The following SLC2A13 variants were observed in gnomAD, a reference collection of about 807,000 sequenced individuals.
The protein encoded by SLC2A13 is solute carrier family 2 member 13.
Under a neutral mutation model 64.4 loss-of-function variants are expected in SLC2A13, and 32 were observed. The observed-to-expected ratio is 0.50, with a 90% CI of 0.37 to 0.67. The LOEUF is 0.67. Ranked by LOEUF, SLC2A13 falls within the 30% of genes least tolerant of loss-of-function variation. The pLI is 0.00. For synonymous variants in SLC2A13, 338 were observed against 327.1 expected, an observed-to-expected ratio of 1.03 and a Z score of -0.36; for missense variants, 743 against 829.2, an observed-to-expected ratio of 0.90 and a Z score of 1.28.
chr12:39,851,528 C>A (rs1329235827), intron 6 of SLC2A13, among the ~76,000 whole-genome samples: 1 of 152,142 alleles, frequency 6.6e-6, no homozygotes, highest in African/African-American at 2.4e-5. Context: ...ATGTACAACA[C>A]CATTTCAAAA....
intron 3 of SLC2A13, among the ~76,000 whole-genome samples, chr12:40,013,766 C>A (rs1364290011): frequency 6.6e-6 from 1 of 152,164 alleles, no homozygotes; most frequent in African/African-American, 2.4e-5. Context: ...GTGTGCGGCC[C>A]TACGCAGGCA....
intron 3 of SLC2A13, among the ~76,000 whole-genome samples, chr12:39,973,949 C>A (rs1283175510): frequency 1.3e-5 from 2 of 152,144 alleles, no homozygotes; most frequent in East Asian, 1.9e-4. Flanking sequence ...CATTTCCATA[C>A]CATTCTGTCT....
intron 4 of SLC2A13, among the ~76,000 whole-genome samples, chr12:39,935,539 G>A (rs1380582977): frequency 6.6e-6 from 1 of 152,134 alleles, no homozygotes. Context: ...AATCTAGCTG[G>A]TTCTCCCTGG....
chr12:40,102,868 T>C (rs17458501), intron 1 of SLC2A13, among the ~76,000 whole-genome samples: 18,534 of 152,236 alleles, frequency 0.12, 1,243 homozygotes, highest in South Asian at 0.23. Flanking sequence ...ATGCTTTGCA[T>C]AGATCCTAAT....
At chr12:39,977,349 C>T (rs1188943333) in intron 3 of SLC2A13, among the ~76,000 whole-genome samples, 1 of 152,224 alleles carries the variant, frequency 6.6e-6, no homozygotes, top group East Asian at 1.9e-4. Context: ...AACTGTGTCT[C>T]TGATCTCTTT....
In SLC2A13 at chr12:40,028,399, C is replaced by T. The variant is rs775723584; in HGVS notation, c.827G>A (p.Arg276His). The change falls in exon 3 of 10, where the codon CGT becomes CAT. Residue 276 changes from arginine to histidine, a missense_variant. Arg to His is a conservative substitution (Grantham distance 29, BLOSUM62 0). Around this residue, in one of 2 missense-constraint regions of SLC2A13, gnomAD observed 448 missense variants for 447.4 expected, o/e 1.00. Coordinates refer to ENST00000280871, the MANE Select transcript of SLC2A13 (RefSeq NM_052885.4). ...LIQKGQTQKARRILSQMRGNQ... is the reference protein window; with the variant it reads ...LIQKGQTQKAHRILSQMRGNQ... Reference sequence around the variant, plus strand: ...ACCACGCATCTGAGATAAAATTCTACGGGCCTTCTGAGTCTGTCCTTTCTG... The same window carrying T: ...ACCACGCATCTGAGATAAAATTCTATGGGCCTTCTGAGTCTGTCCTTTCTG... 1.8e-5 allele frequency: 29 copies of T among 1,613,918 alleles called. No individual in the cohort carries two copies. Among genetic ancestry groups the T allele is most frequent in the African/African-American group, 5.3e-5 (4 of 74,916 alleles).
At chr12:40,056,309 G>T (rs1948332474) in intron 1 of SLC2A13, among the ~76,000 whole-genome samples, 1 of 152,074 alleles carries the variant, frequency 6.6e-6, no homozygotes, top group Non-Finnish European at 1.5e-5. Context: ...CACTGGATGA[G>T]AAAGGCCAGG....
intron 6 of SLC2A13, among the ~76,000 whole-genome samples, chr12:39,842,617 T>A (rs1443958041): frequency 2.0e-5 from 3 of 151,944 alleles, no homozygotes; most frequent in Non-Finnish European, 4.4e-5. Context: ...TTTTTAAAAA[T>A]TTTTTACTGA....
chr12:39,938,092 C>T (rs913296674), intron 4 of SLC2A13, among the ~76,000 whole-genome samples: 2 of 152,122 alleles, frequency 1.3e-5, no homozygotes, highest in African/African-American at 4.8e-5. Flanking sequence ...TGGGATGTTT[C>T]TGCTTTCCAC....
intron 4 of SLC2A13, among the ~76,000 whole-genome samples, chr12:39,947,715 C>CA (rs1455556073): frequency 7.0e-6 from 1 of 142,384 alleles, no homozygotes; most frequent in African/African-American, 2.7e-5. Context: ...GGCTGGAGTG[C>CA]AATGGCATGA....
chr12:39,812,462 C>G (rs1285198517), intron 7 of SLC2A13, among the ~76,000 whole-genome samples: 3 of 147,990 alleles, frequency 2.0e-5, no homozygotes, highest in Non-Finnish European at 4.5e-5. Flanking sequence ...CTTTCTTTCT[C>G]CTTTCTTTCT....
intron 7 of SLC2A13, among the ~76,000 whole-genome samples, chr12:39,820,053 T>C (rs1193569758): frequency 6.6e-6 from 1 of 152,122 alleles, no homozygotes; most frequent in Non-Finnish European, 1.5e-5. Context: ...TTAATATTTA[T>C]GGGTTTGTCC....
At chr12:39,916,810 A>T (rs1945528364) in intron 4 of SLC2A13, among the ~76,000 whole-genome samples, 1 of 84,738 alleles carries the variant, frequency 1.2e-5, no homozygotes, top group African/African-American at 4.4e-5. Context: ...GTCTTGTGGA[A>T]GGATTATCAT....
intron 3 of SLC2A13, among the ~76,000 whole-genome samples, chr12:39,980,132 T>C (rs1946860259): frequency 6.6e-6 from 1 of 151,570 alleles, no homozygotes; most frequent in African/African-American, 2.4e-5. Context: ...CTGAGAGATT[T>C]TGTCACCACC....
chr12:39,854,286 G>A (rs923207166), intron 6 of SLC2A13, among the ~76,000 whole-genome samples: 1 of 151,992 alleles, frequency 6.6e-6, no homozygotes, highest in Non-Finnish European at 1.5e-5. Flanking sequence ...GAAAGTTTAA[G>A]GGTAATAGGT....
intron 4 of SLC2A13, among the ~76,000 whole-genome samples, chr12:39,879,251 G>C (rs1460579074): frequency 6.6e-6 from 1 of 152,216 alleles, no homozygotes; most frequent in East Asian, 1.9e-4. Flanking sequence ...AAGTACCAAG[G>C]GGAAATGTGG....
chr12:39,868,143 G>T (rs1346891985), intron 5 of SLC2A13, among the ~76,000 whole-genome samples: 2 of 152,136 alleles, frequency 1.3e-5, no homozygotes, highest in Non-Finnish European at 2.9e-5. Context: ...ACCTGGATTT[G>T]AGTCTAATAC....
chr12:39,955,542 T>C (rs1295277725), intron 3 of SLC2A13, among the ~76,000 whole-genome samples: 3 of 152,114 alleles, frequency 2.0e-5, no homozygotes, highest in Non-Finnish European at 4.4e-5. Context: ...ATAAAATTGA[T>C]AAGCTTCATG....
rs965588854 is a variant in SLC2A13, at chr12:40,092,505, T to G, written c.556+12748A>C. Reference sequence around the variant, plus strand: ...AATTCCACATATGTAATACCATCTTTAGAAATTTATCACATCATTATACAC... The same window carrying G: ...AATTCCACATATGTAATACCATCTTGAGAAATTTATCACATCATTATACAC... On this transcript the variant is annotated intron_variant, in intron 1 of 9. Transcript: ENST00000280871. 5.9e-5 allele frequency among the ~76,000 whole-genome samples: 9 copies of G among 152,174 alleles called. No homozygotes were observed. In the South Asian group the frequency reaches 1.0e-3, roughly 18 times the overall value.
Sources: gnomAD v4.1 joint callset for allele counts (sites outside exome capture counted in the v4.1 genomes callset) on GRCh38, gnomAD v4.1.1 for gene constraint, gnomAD v4.1.1 regional missense constraint, MANE v1.5 for transcripts, NCBI Gene and HGNC (gene_info 2026-07-23, HGNC 2026-07-21) for gene names.